The following IKZF4 variants were observed in gnomAD, a reference collection of about 807,000 sequenced individuals.
IKZF4 encodes zinc finger protein Eos.
IKZF4 carries 11 observed loss-of-function variants against 47.7 expected under a neutral mutation model. The ratio of observed to expected loss-of-function variants is 0.23; its 90% CI spans 0.15 to 0.38. The LOEUF is 0.38. IKZF4 is among the 10% of genes least tolerant of loss of function. IKZF4 has a pLI of 1.00. For synonymous variants in IKZF4, 298 were observed against 299.4 expected, an observed-to-expected ratio of 1.00 and a Z score of 0.05; for missense variants, 557 against 784.9, an observed-to-expected ratio of 0.71 and a Z score of 3.47.
intron 2 of IKZF4, among the ~76,000 whole-genome samples, chr12:56,014,117 C>A (rs1252091247): frequency 6.7e-6 from 1 of 149,822 alleles, no homozygotes; most frequent in Non-Finnish European, 1.5e-5. Flanking sequence ...GATCGTGCCA[C>A]TGCACTCCAG....
intron 5 of IKZF4, 102 bp from the exon 6 acceptor site, chr12:56,032,459 C>T (rs1450982238): frequency 8.3e-7 from 1 of 1,203,910 alleles, no homozygotes; most frequent in Non-Finnish European, 1.1e-6. Context: ...TAGCAACATC[C>T]TTTCCTTCCC....
chr12:56,024,429 A>C (rs1272788290), intron 2 of IKZF4, among the ~76,000 whole-genome samples: 1 of 152,180 alleles, frequency 6.6e-6, no homozygotes, highest in Non-Finnish European at 1.5e-5. Flanking sequence ...CAGCTATGTA[A>C]CCTTAGACAA....
In IKZF4 at chr12:56,029,178, G is replaced by T. The variant is rs79767501; in HGVS notation, c.715+1231G>T. On this transcript the variant is annotated intron_variant, in intron 5 of 7. Coordinates refer to ENST00000547167, the MANE Select transcript of IKZF4 (RefSeq NM_022465.4). ...CTATTTCTGTTCCCTATCCCAAGAG[G>T]TTGTCACCTTCCCAGAGGCAAGAGA... Among the ~76,000 whole-genome samples the T allele has an allele frequency of 2.1e-3, 323 of 152,288 alleles. 1 individual carries two copies. Among genetic ancestry groups the T allele is most frequent in the Non-Finnish European group, 4.0e-3 (272 of 68,034 alleles).
intron 4 of IKZF4, 35 bp from the exon 5 acceptor site, chr12:56,027,745 A>C: frequency 6.2e-7 from 1 of 1,602,668 alleles, no homozygotes. Flanking sequence ...AGTTCCTCAC[A>C]TGCAGTCCTC....
chr12:56,017,291 T>C (rs917015786), upstream of IKZF4, among the ~76,000 whole-genome samples: 1 of 129,682 alleles, frequency 7.7e-6, no homozygotes, highest in African/African-American at 3.0e-5. Flanking sequence ...GATGAGAGGG[T>C]GGGGATAACC....
rs1164491101 is a variant in IKZF4, at chr12:56,026,789, A to T, written c.295A>T (p.Ile99Phe). 19 of 1,572,114 alleles carry T rather than the reference A, an allele frequency of 1.2e-5. No individual in the cohort carries two copies. Among genetic ancestry groups the T allele is most frequent in the Non-Finnish European group, 1.6e-5 (19 of 1,157,038 alleles). ...ACCATCCCACCCCTCAGCCAACTCC[A>T]TCAAGGTGGAGATGTACAGCGATGA... ...SPSRSLSANSIKVEMYSDEES... is the reference protein window; with the variant it reads ...SPSRSLSANSFKVEMYSDEES... The change falls in exon 4 of 8, where the codon ATC becomes TTC. Residue 99 changes from isoleucine to phenylalanine, a missense_variant. By Grantham distance (21) the Ile-to-Phe change is conservative. This residue lies in a region of IKZF4 where 112 missense variants were observed against 168.2 expected (regional missense o/e 0.67). Coordinates refer to ENST00000547167, the MANE Select transcript of IKZF4 (RefSeq NM_022465.4).
At chr12:56,032,074 T>C (rs1894994518) in intron 5 of IKZF4, among the ~76,000 whole-genome samples, 1 of 152,146 alleles carries the variant, frequency 6.6e-6, no homozygotes, top group Admixed American at 6.5e-5. Flanking sequence ...ATTTCTGTCA[T>C]GCCAGCCCAC....
At chr12:56,017,241 G>A (rs934878438), upstream of IKZF4, among the ~76,000 whole-genome samples, 8 of 13,138 alleles carry the variant, frequency 6.1e-4, no homozygotes, top group East Asian at 5.9e-3. Context: ...CGCCCCCCCC[G>A]TCCTTTTTTC....
At chr12:56,027,662 G>A (rs572078654) in intron 4 of IKZF4, 118 bp from the exon 5 acceptor site, 74 of 987,414 alleles carry the variant, frequency 7.5e-5, no homozygotes, top group African/African-American at 1.4e-4. Flanking sequence ...ACTTCTGCCC[G>A]TCAGCAATGT....
rs550867749 is a variant in IKZF4 at position 56,008,671 on chromosome 12, A to AATT, written c.-292+937_-292+938insATT. 5.1e-4 allele frequency among the ~76,000 whole-genome samples: 63 copies of AATT among 124,584 alleles called. No homozygotes were observed. In the East Asian group the frequency reaches 9.0e-3, roughly 18 times the overall value. The allele number at this position is 124,584 out of a possible 152,430, so 81.7% of individuals were successfully genotyped here. A position where few individuals can be genotyped will look rare whatever the true frequency, so the allele number is the denominator to read the frequency against. On this transcript the variant is annotated intron_variant, in intron 1 of 11. Coordinates refer to the IKZF4 transcript ENST00000262032. ...AAGTTACGAACTCTGCTTCCAGGAA[A>AATT]TTTTTTTTTTTTTTTTTTTTGAGAC...
At chr12:56,026,736 T>C in intron 3 of IKZF4, 45 bp from the exon 4 acceptor site, 1 of 1,409,316 alleles carries the variant, frequency 7.1e-7, no homozygotes, top group Non-Finnish European at 9.3e-7. Context: ...GGGAGCAGCT[T>C]CCCCCTTTGC....
At chr12:56,010,113 T>C (rs965917263) in intron 1 of IKZF4, 2 of 152,176 alleles carry the variant, frequency 1.3e-5, no homozygotes, top group Non-Finnish European at 2.9e-5. Context: ...CTCGTTTTAC[T>C]CTGTAGGAAC....
In IKZF4 at chr12:56,034,807, C is replaced by G; in HGVS notation, c.1234C>G (p.Arg412Gly). 2 of 1,614,004 alleles carry G rather than the reference C, an allele frequency of 1.2e-6. No homozygotes were observed. Among genetic ancestry groups the G allele is most frequent in the Non-Finnish European group, 1.7e-6 (2 of 1,179,894 alleles). ...CACCCAGATGCAGCCCCTCCCTGGT[C>G]GACTGGAGCTTCCAGGATCCCGAGA... ...VYTQMQPLPG[R>G]LELPGSREAG... Residue 412 changes from arginine (R) to glycine (G), a missense_variant, in exon 8 of 8, where the codon CGA (arginine) becomes GGA (glycine). Physicochemically the swap from Arg to Gly is moderately radical, Grantham distance 125 (BLOSUM62 -2). Transcript: ENST00000547167.
At chr12:56,014,603 C>G (rs1407754146) in intron 2 of IKZF4, among the ~76,000 whole-genome samples, 1 of 152,130 alleles carries the variant, frequency 6.6e-6, no homozygotes, top group Non-Finnish European at 1.5e-5. Flanking sequence ...CCACAGGGAT[C>G]ACACCAAAGG....
chr12:56,023,958 C>G, intron 2 of IKZF4, 194 bp downstream of exon 2: 2 of 979,038 alleles, frequency 2.0e-6, no homozygotes, highest in African/African-American at 3.5e-5. Flanking sequence ...TATGTTTATC[C>G]CAATAGGTAT....
At chr12:56,021,805 G>T (rs770088502) in intron 1 of IKZF4, 3 of 655,296 alleles carry the variant, frequency 4.6e-6, no homozygotes, top group Admixed American at 2.9e-5. Flanking sequence ...AAGCAAAGAC[G>T]GCGACTTGGA....
In IKZF4 at chr12:56,021,292, T is replaced by TCCCA; in HGVS notation, c.-201_-200insCCAC. 1.2e-6 allele frequency: 1 copy of TCCCA among 842,366 alleles called. No individual in the cohort carries two copies. The allele number at this position is 842,366 out of a possible 1,614,324, so 52.2% of individuals were successfully genotyped here. A position where few individuals can be genotyped will look rare whatever the true frequency, so the allele number is the denominator to read the frequency against. On this transcript the variant is annotated 5_prime_UTR_variant, in exon 1 of 8. Coordinates refer to ENST00000547167, the MANE Select transcript of IKZF4 (RefSeq NM_022465.4). Reference sequence around the variant, plus strand: ...TTCTCTCCCTCTCTCTCTCTCTCTCTCTCACACACACACACACACACACAC... The same window carrying TCCCA: ...TTCTCTCCCTCTCTCTCTCTCTCTCTCCCACTCACACACACACACACACACACAC...
At chr12:56,014,648 A>G (rs1891775323) in intron 2 of IKZF4, among the ~76,000 whole-genome samples, 1 of 152,170 alleles carries the variant, frequency 6.6e-6, no homozygotes, top group Admixed American at 6.5e-5. Context: ...AACCAGGGAA[A>G]AAGCCGAGTG....
upstream of IKZF4, chr12:56,020,940 G>C: frequency 9.9e-7 from 1 of 1,008,662 alleles, no homozygotes; most frequent in Non-Finnish European, 1.2e-6. Flanking sequence ...TGACCTCTGG[G>C]GCCTTGGCTT....
Sources: gnomAD v4.1 joint callset for allele counts (sites outside exome capture counted in the v4.1 genomes callset) on GRCh38, gnomAD v4.1.1 for gene constraint, gnomAD v4.1.1 regional missense constraint, MANE v1.5 for transcripts, NCBI Gene and HGNC (gene_info 2026-07-23, HGNC 2026-07-21) for gene names.